The following TXNDC15 variants were observed in gnomAD, a reference collection of about 807,000 sequenced individuals.
The protein encoded by TXNDC15 is thioredoxin domain containing 15.
A neutral mutation model predicts 35.0 loss-of-function variants in TXNDC15; 24 were observed. The observed-to-expected ratio is 0.68, with a 90% CI of 0.50 to 0.96. The LOEUF is 0.96. Among genes scored for constraint, TXNDC15 ranks in the 40% least tolerant of loss-of-function variants. The pLI, the probability that TXNDC15 is intolerant of heterozygous loss-of-function variation, is 0.00. For synonymous variants in TXNDC15, 169 were observed against 174.0 expected (o/e 0.97, Z 0.23); for missense variants, 385 against 453.3 (o/e 0.85, Z 1.37).
At chr5:134,890,924 C>T (rs949084670) in intron 2 of TXNDC15, among the ~76,000 whole-genome samples, 1 of 152,208 alleles carries the variant, frequency 6.6e-6, no homozygotes, top group Admixed American at 6.5e-5. Flanking sequence ...GCGTAGATGC[C>T]ATCTCAAAAA....
Position 134,893,568 on chromosome 5 carries a change from C to G in TXNDC15, c.668C>G (p.Ser223Cys). ...TTTTACACCCCGTGGTGCCGCTTTT[C>G]TGCCAGTTTGGCCCCTCACTTTAAC... ...VLFYTPWCRF[S>C]ASLAPHFNSL... The change falls in exon 3 of 5, where the codon TCT becomes TGT. Residue 223 changes from serine to cysteine, a missense_variant. Coordinates refer to ENST00000358387, the MANE Select transcript of TXNDC15 (RefSeq NM_024715.4). 1 of 1,614,188 alleles carries G rather than the reference C, an allele frequency of 6.2e-7. No individual in the cohort carries two copies. Among genetic ancestry groups the G allele is most frequent in the South Asian group, 1.1e-5 (1 of 91,090 alleles).
chr5:134,876,081 A>C (rs1308021187), intron 1 of TXNDC15, among the ~76,000 whole-genome samples: 1 of 152,234 alleles, frequency 6.6e-6, no homozygotes, highest in Non-Finnish European at 1.5e-5. Context: ...CCAGAAGTTG[A>C]GGAGCCTTGA....
chr5:134,889,016 A>G (rs1012942616), intron 2 of TXNDC15, among the ~76,000 whole-genome samples: 4 of 152,184 alleles, frequency 2.6e-5, no homozygotes, highest in Admixed American at 2.6e-4. Flanking sequence ...CCTGACTCTA[A>G]GAGCTGTGAC....
chr5:134,880,680 T>C (rs1430500384), intron 1 of TXNDC15, among the ~76,000 whole-genome samples: 1 of 152,046 alleles, frequency 6.6e-6, no homozygotes, highest in Non-Finnish European at 1.5e-5. Flanking sequence ...TGACCTCAAG[T>C]CATCCACCTG....
chr5:134,896,501 T>C, intron 4 of TXNDC15, 77 bp downstream of exon 4: 1 of 1,563,320 alleles, frequency 6.4e-7, no homozygotes, highest in East Asian at 2.3e-5. Flanking sequence ...TCTGATCTGC[T>C]ATAATCCTTA....
chr5:134,875,772 C>T (rs1367347678), intron 1 of TXNDC15, among the ~76,000 whole-genome samples: 2 of 152,030 alleles, frequency 1.3e-5, no homozygotes, highest in Admixed American at 1.3e-4. Context: ...CGGGTTCAAG[C>T]GATTCTCGTG....
rs1242684364 is a variant in TXNDC15 at position 134,896,398 on chromosome 5, T to C, written c.860T>C (p.Leu287Pro). The part of the protein sequence containing the change: ...FNHTDRTLET[L>P]KIFIFNQTGI... ...CATACAGATCGAACACTGGAAACACTGAAAATCTTCATTTTTAATCAGACA... is the reference window on the plus strand; with the variant it reads ...CATACAGATCGAACACTGGAAACACCGAAAATCTTCATTTTTAATCAGACA... The change falls in exon 4 of 5, where the codon CTG becomes CCG. Residue 287 changes from leucine to proline, a missense_variant. By Grantham distance (98) the Leu-to-Pro change is moderately conservative. Coordinates refer to ENST00000358387, the MANE Select transcript of TXNDC15 (RefSeq NM_024715.4). 2 of 1,613,442 alleles carry C rather than the reference T, an allele frequency of 1.2e-6. No individual in the cohort carries two copies. Among genetic ancestry groups the C allele is most frequent in the African/African-American group, 1.3e-5 (1 of 74,908 alleles).
intron 1 of TXNDC15, among the ~76,000 whole-genome samples, chr5:134,887,289 A>G (rs372494415): frequency 1.3e-5 from 2 of 152,128 alleles, no homozygotes; most frequent in South Asian, 4.1e-4. Context: ...GGTTCCAGCA[A>G]TCCTCTTGCC....
At chr5:134,875,095 G>C in intron 1 of TXNDC15, 1 of 456,024 alleles carries the variant, frequency 2.2e-6, no homozygotes, top group Non-Finnish European at 4.4e-6. Context: ...CCACGCTGCT[G>C]GACCACTGTC....
intron 1 of TXNDC15, 117 bp downstream of exon 1, chr5:134,874,647 C>A (rs1749994970): frequency 4.9e-6 from 4 of 811,108 alleles, no homozygotes; most frequent in Middle Eastern, 3.4e-4. Context: ...CTTGGCGTCT[C>A]CCCGGGCGCG....
intron 2 of TXNDC15, among the ~76,000 whole-genome samples, 196 bp downstream of exon 2, chr5:134,888,378 A>T (rs1265548875): frequency 1.3e-5 from 2 of 152,132 alleles, no homozygotes; most frequent in Non-Finnish European, 1.5e-5. Context: ...ACTAGTGTTG[A>T]TTATGCTTTT....
chr5:134,886,139 A>C (rs191831445), intron 1 of TXNDC15, among the ~76,000 whole-genome samples: 1 of 152,378 alleles, frequency 6.6e-6, no homozygotes, highest in Admixed American at 6.5e-5. Context: ...GCATGAATAT[A>C]TTGATTATCA....
At chr5:134,897,704 C>A (rs1271649213) in intron 4 of TXNDC15, among the ~76,000 whole-genome samples, 2 of 152,158 alleles carry the variant, frequency 1.3e-5, no homozygotes, top group African/African-American at 4.8e-5. Flanking sequence ...AAAGTGAACA[C>A]CCTGGGTAAC....
chr5:134,892,016 C>A (rs1221130411), intron 2 of TXNDC15, among the ~76,000 whole-genome samples: 1 of 152,176 alleles, frequency 6.6e-6, no homozygotes, highest in Non-Finnish European at 1.5e-5. Context: ...TGAAGCCAGG[C>A]ATTGACATCT....
At position 134,874,593 on chromosome 5, in the gene TXNDC15, G is replaced by C. The variant is rs1749993587; in HGVS notation, c.103+63G>C. The C allele has an allele frequency of 4.4e-6, 6 of 1,362,290 alleles. No homozygotes were observed. In the Admixed American group the frequency reaches 1.3e-4, roughly 29 times the overall value. The allele number at this position is 1,362,290 out of a possible 1,614,324, so 84.4% of individuals were successfully genotyped here. On this transcript the variant is annotated intron_variant, in intron 1 of 4. Coordinates refer to ENST00000358387, the MANE Select transcript of TXNDC15 (RefSeq NM_024715.4). ...GCGAGCTGAGGTCCACCCGGGCGACGCTCTGGACCTGCGCGAAGGCCGGCG... is the reference window on the plus strand; with the variant it reads ...GCGAGCTGAGGTCCACCCGGGCGACCCTCTGGACCTGCGCGAAGGCCGGCG...
rs1282149453 is a variant in TXNDC15 at position 134,887,738 on chromosome 5, T to C, written c.147T>C (p.Ala49=). The change falls in exon 2 of 5, where the codon GCT becomes GCC. Residue 49 remains alanine (A), a synonymous_variant. Coordinates refer to ENST00000358387, the MANE Select transcript of TXNDC15 (RefSeq NM_024715.4). ...GCTTATGGTCAGAGGAGCAGCCTGC[T>C]CACCCTCTCCAGGTGGGGGCTGTGT... ...SGRLWSEEQP[A]HPLQVGAVYL... The C allele has an allele frequency of 1.2e-6, 2 of 1,609,796 alleles. No homozygotes were observed. Among genetic ancestry groups the C allele is most frequent in the Non-Finnish European group, 1.7e-6 (2 of 1,176,710 alleles).
At position 134,899,895 on chromosome 5, in the gene TXNDC15, G is replaced by C. The variant is rs1409537574; in HGVS notation, c.*210G>C. On this transcript the variant is annotated 3_prime_UTR_variant, in exon 5 of 5. Coordinates refer to ENST00000358387, the MANE Select transcript of TXNDC15 (RefSeq NM_024715.4). Reference sequence around the variant, plus strand: ...TAAGCAAATGCAAAAATATTCAATAGATGCACTATTCTTGTTTTTACTGCA... The same window carrying C: ...TAAGCAAATGCAAAAATATTCAATACATGCACTATTCTTGTTTTTACTGCA... 2.7e-5 allele frequency: 13 copies of C among 478,284 alleles called. No homozygotes were observed. Among genetic ancestry groups the C allele is most frequent in the Non-Finnish European group, 4.4e-5 (12 of 274,990 alleles). 29.6% of individuals were successfully genotyped at this position (478,284 alleles called of 1,614,324 possible).
chr5:134,888,179 A>G lies in TXNDC15; in HGVS notation c.588A>G (p.Ser196=). The change falls in exon 2 of 5, where the codon TCA becomes TCG. Residue 196 remains serine (S), a synonymous_variant. Transcript: ENST00000358387. The stretch of plus-strand genomic sequence containing the variant: ...TCACTCTGAAAATTTTAAATATGTC[A>G]CAGGTAAGGAAAAATTATTTAGTGC... The part of the protein sequence containing the change: ...ENFTLKILNM[S]QDLMDFLNPN... 4 of 1,599,828 alleles carry G rather than the reference A, an allele frequency of 2.5e-6. No individual in the cohort carries two copies. The highest frequency in any genetic ancestry group is 3.4e-6 in the Non-Finnish European group (4 of 1,170,712).
At chr5:134,874,245 G>A, upstream of TXNDC15, 1 of 567,372 alleles carries the variant, frequency 1.8e-6, no homozygotes, top group South Asian at 2.1e-5. Context: ...CTCCAGTCCA[G>A]CGCCGACGGC....
Sources: gnomAD v4.1 joint callset for allele counts (sites outside exome capture counted in the v4.1 genomes callset) on GRCh38, gnomAD v4.1.1 for gene constraint, MANE v1.5 for transcripts, NCBI Gene and HGNC (gene_info 2026-07-23, HGNC 2026-07-21) for gene names.